Variants in ACR observed in about 807,000 individuals in gnomAD.
ACR encodes acrosin, also known as acrosin light and heavy chain prepropeptide.
ACR carries 17 observed loss-of-function variants against 26.0 expected under a neutral mutation model. The observed-to-expected ratio is 0.65, with a 90% CI of 0.45 to 0.98. The LOEUF (loss-of-function observed/expected upper bound fraction) is 0.98, where lower values mean the gene tolerates loss of function less well. Among genes scored for constraint, ACR ranks in the 50% least tolerant of loss-of-function variants. The probability of loss-of-function intolerance (pLI) is 0.00; values close to 1 mark genes in which losing one functional copy is unlikely to be tolerated. For synonymous variants in ACR, 199 were observed against 207.7 expected (o/e 0.96, Z 0.36); for missense variants, 435 against 519.3 (o/e 0.84, Z 1.58).
intron 3 of ACR, chr22:50,740,836 G>A (rs2083422022): frequency 3.1e-6 from 2 of 643,634 alleles, no homozygotes; most frequent in African/African-American, 3.6e-5. Flanking sequence ...GGCCCCAGGT[G>A]TGACCTAGAA....
At chr22:50,738,352 A>G (rs1346138210) in intron 1 of ACR, 40 bp downstream of exon 1, 5 of 1,595,600 alleles carry the variant, frequency 3.1e-6, no homozygotes, top group Non-Finnish European at 4.3e-6. Context: ...GGATCTTCTG[A>G]GGAGCAGGTA....
In ACR at chr22:50,745,031, C is replaced by T; in HGVS notation, c.1090C>T (p.Pro364Ser). Reference sequence around the variant, plus strand: ...ACCTCCAGCCTCACCTTTACCCCCACCCCCACCCCCACCCCCACCTACACC... The same window carrying T: ...ACCTCCAGCCTCACCTTTACCCCCATCCCCACCCCCACCCCCACCTACACC... ...PPPPASPLPP[P>S]PPPPPPTPSS... The change falls in exon 5 of 5, where the codon CCC (proline) becomes TCC (serine). Residue 364 changes from proline to serine, a missense_variant. Coordinates refer to ENST00000216139, the MANE Select transcript of ACR (RefSeq NM_001097.3). The T allele has an allele frequency of 5.5e-6, 3 of 549,924 alleles. No individual in the cohort carries two copies. Among genetic ancestry groups the T allele is most frequent in the Non-Finnish European group, 5.8e-6 (2 of 345,348 alleles). The allele number at this position is 549,924 out of a possible 1,614,324, so 34.1% of individuals were successfully genotyped here. A position where few individuals can be genotyped will look rare whatever the true frequency, so the allele number is the denominator to read the frequency against.
intron 1 of ACR, among the ~76,000 whole-genome samples, chr22:50,738,764 G>T (rs1034968695): frequency 3.9e-5 from 6 of 151,940 alleles, no homozygotes; most frequent in African/African-American, 1.4e-4. Flanking sequence ...AGTTCCCAGA[G>T]CCTCCACCTC....
chr22:50,744,769 G>A lies in ACR; in HGVS notation c.828G>A (p.Thr276=), dbSNP rs1029429705. The A allele has an allele frequency of 6.2e-6, 10 of 1,611,490 alleles. No homozygotes were observed. The African/African-American group carries it at 6.7e-5, about 11-fold the overall frequency. The change falls in exon 5 of 5, where the codon ACG becomes ACA. Residue 276 remains threonine, a synonymous_variant. Coordinates refer to ENST00000216139, the MANE Select transcript of ACR (RefSeq NM_001097.3). ...CARAKRPGIY[T]ATWPYLNWIA... is the part of the protein sequence containing the mutation. ...GTGCCAAGCGCCCCGGAATCTACAC[G>A]GCCACCTGGCCCTATCTGAACTGGA...
At chr22:50,743,237 G>A (rs934157112) in intron 3 of ACR, among the ~76,000 whole-genome samples, 38 of 151,982 alleles carry the variant, frequency 2.5e-4, no homozygotes, top group East Asian at 2.3e-3. Context: ...GGGTTTCACC[G>A]TGTTAGCCAG....
At chr22:50,743,276 C>G (rs959874876) in intron 3 of ACR, among the ~76,000 whole-genome samples, 7 of 152,114 alleles carry the variant, frequency 4.6e-5, no homozygotes, top group Non-Finnish European at 1.0e-4. Flanking sequence ...ACCTCGTGAT[C>G]CGCCCGCCTC....
chr22:50,744,727 G>A lies in ACR; in HGVS notation c.786G>A (p.Trp262Ter), dbSNP rs2083441561. 1 of 1,613,218 alleles carries A rather than the reference G, an allele frequency of 6.2e-7. No homozygotes were observed. Among genetic ancestry groups the A allele is most frequent in the Non-Finnish European group, 8.5e-7 (1 of 1,179,774 alleles). The change falls in exon 5 of 5, where the codon TGG (tryptophan) becomes TGA (stop). Residue 262 changes from tryptophan (W) to a stop codon, truncating the protein, a stop_gained. Coordinates refer to ENST00000216139, the MANE Select transcript of ACR (RefSeq NM_001097.3). LOFTEE classifies it low-confidence loss of function (END_TRUNC). ...SAYVVVGITS[W>*]GVGCARAKRP... ...ATGTGGTCGTGGGAATCACAAGCTG[G>A]GGGGTAGGCTGTGCCCGTGCCAAGC... is the stretch of plus-strand genomic sequence containing the variant.
rs528817812 is a variant in ACR, at chr22:50,741,194, C to T, written c.565+1217C>T. Among the ~76,000 whole-genome samples, 10 of 152,284 alleles carry T rather than the reference C, an allele frequency of 6.6e-5. No individual in the cohort carries two copies. The East Asian group carries it at 1.5e-3, about 23-fold the overall frequency. On this transcript the variant is annotated intron_variant, in intron 3 of 4. Transcript: ENST00000216139. Reference sequence around the variant, plus strand: ...TAATTTGAGGATTCTTCCTTTAACTCTTATTTCCTTCTCTGAGGGCGTGGT... The same window carrying T: ...TAATTTGAGGATTCTTCCTTTAACTTTTATTTCCTTCTCTGAGGGCGTGGT...
chr22:50,738,321 C>T lies in ACR; in HGVS notation c.77+9C>T, dbSNP rs1291878808. Reference sequence around the variant, plus strand: ...GATAACGCCACGTGTGAGTAAGTGTCGGGGCACCTTGGTGGGGGAAGGATC... The same window carrying T: ...GATAACGCCACGTGTGAGTAAGTGTTGGGGCACCTTGGTGGGGGAAGGATC... On this transcript the variant is annotated intron_variant, in intron 1 of 4. Coordinates refer to ENST00000216139, the MANE Select transcript of ACR (RefSeq NM_001097.3). 9.3e-6 allele frequency: 15 copies of T among 1,613,432 alleles called. No individual in the cohort carries two copies. Among genetic ancestry groups the T allele is most frequent in the South Asian group, 2.2e-5 (2 of 90,992 alleles).
rs760865181 is a variant in ACR at position 50,739,258 on chromosome 22, G to C, written c.78-13G>C. 6.4e-7 allele frequency: 1 copy of C among 1,557,770 alleles called. No homozygotes were observed. The highest frequency in any genetic ancestry group is 1.2e-5 in the South Asian group (1 of 84,678). On this transcript the variant is annotated splice_polypyrimidine_tract_variant and intron_variant, in intron 1 of 4. Transcript: ENST00000216139. The surrounding 1 kb of genome is among the most constrained non-coding windows in gnomAD (Gnocchi z 5.5). ...TCATGCCAGGTTTGAACTGTGCTCTGGTCTCTCCCCAGTGGCCCCTGTGGG... is the reference window on the plus strand; with the variant it reads ...TCATGCCAGGTTTGAACTGTGCTCTCGTCTCTCCCCAGTGGCCCCTGTGGG...
intron 1 of ACR, among the ~76,000 whole-genome samples, 178 bp downstream of exon 1, chr22:50,738,490 T>C (rs1376709784): frequency 6.9e-6 from 1 of 144,774 alleles, no homozygotes; most frequent in Non-Finnish European, 1.5e-5. Context: ...CCTCCAGAGA[T>C]GGACCCCTCA....
Position 50,739,686 on chromosome 22 carries a change from G to A in ACR, c.282-8G>A, listed in dbSNP as rs1321909247. On this transcript the variant is annotated splice_region_variant and splice_polypyrimidine_tract_variant and intron_variant, in intron 2 of 4. Transcript: ENST00000216139. The surrounding 1 kb of genome is among the most constrained non-coding windows in gnomAD (Gnocchi z 5.5). Reference sequence around the variant, plus strand: ...CGGTTGTGACCTGGCTTACCTTTGTGCCCACAGTAATGTGCATGACTGGAG... The same window carrying A: ...CGGTTGTGACCTGGCTTACCTTTGTACCCACAGTAATGTGCATGACTGGAG... The A allele has an allele frequency of 6.5e-7, 1 of 1,536,916 alleles. No homozygotes were observed.
Position 50,744,057 on chromosome 22 carries a change from A to G in ACR, c.566-4A>G, listed in dbSNP as rs6009961. On this transcript the variant is annotated splice_region_variant and splice_polypyrimidine_tract_variant and intron_variant, in intron 3 of 4. Transcript: ENST00000216139. The stretch of plus-strand genomic sequence containing the variant: ...TCACTGACCACCGAGTGGTCTGACT[A>G]TAGCCCCCAGGCCATCATCTATACT... The G allele has an allele frequency of 0.71, 1,049,405 of 1,482,114 alleles. 387,615 individuals are homozygous for G. Among genetic ancestry groups the G allele is most frequent in the African/African-American group, 0.88 (64,173 of 72,590 alleles). The allele number at this position is 1,482,114 out of a possible 1,614,324, so 91.8% of individuals were successfully genotyped here.
At chr22:50,740,093 G>A (rs762191368) in intron 3 of ACR, 116 bp downstream of exon 3, 17 of 1,309,398 alleles carry the variant, frequency 1.3e-5, no homozygotes, top group Non-Finnish European at 1.7e-5. Flanking sequence ...TCCTCACGGC[G>A]CTACACGTAG....
chr22:50,741,782 G>T (rs1306958185), intron 3 of ACR, among the ~76,000 whole-genome samples: 8 of 151,078 alleles, frequency 5.3e-5, no homozygotes, highest in Admixed American at 4.6e-4. Flanking sequence ...CTTGGGTATT[G>T]CTTCTTTCCC....
chr22:50,739,233 T>C lies in ACR; in HGVS notation c.78-38T>C. The stretch of plus-strand genomic sequence containing the variant: ...GTGGAGTTACAAGGACAGGCTGTGC[T>C]CATGCCAGGTTTGAACTGTGCTCTG... On this transcript the variant is annotated intron_variant, in intron 1 of 4. Coordinates refer to ENST00000216139, the MANE Select transcript of ACR (RefSeq NM_001097.3). The surrounding 1 kb of genome is among the most constrained non-coding windows in gnomAD (Gnocchi z 5.5). 6.5e-7 allele frequency: 1 copy of C among 1,527,360 alleles called. No homozygotes were observed. The highest frequency in any genetic ancestry group is 8.9e-7 in the Non-Finnish European group (1 of 1,126,862). 94.6% of individuals were successfully genotyped at this position (1,527,360 alleles called of 1,614,324 possible).
rs1220294993 is a variant in ACR, at chr22:50,739,392, A to G, written c.199A>G (p.Ser67Gly). The G allele has an allele frequency of 1.9e-6, 3 of 1,614,140 alleles. No homozygotes were observed. The change falls in exon 2 of 5, where the codon AGC becomes GGC. Residue 67 changes from serine (S) to glycine (G), a missense_variant. Around this residue, in one of 3 missense-constraint regions of ACR, gnomAD observed 314 missense variants for 372.0 expected, o/e 0.84. Transcript: ENST00000216139. This position sits in a 1 kb window ranked among gnomAD's most constrained non-coding sequence, Gnocchi z 5.5. ...CAGCCTCCAGATCTTCACGTACAAC[A>G]GCCACAGGTACCACACATGTGGAGG... Reference protein sequence around the residue: ...MVSLQIFTYNSHRYHTCGGSL... With the variant: ...MVSLQIFTYNGHRYHTCGGSL...
At chr22:50,742,561 AAAT>A (rs1281659649) in intron 3 of ACR, among the ~76,000 whole-genome samples, 1 of 135,918 alleles carries the variant, frequency 7.4e-6, no homozygotes, top group Non-Finnish European at 1.6e-5. Context: ...AAAAAAAAAA[AAAT>A]CGTCTTAATG....
intron 4 of ACR, 135 bp from the exon 5 acceptor site, chr22:50,744,518 T>G (rs1347994134): frequency 8.9e-5 from 121 of 1,364,360 alleles, no homozygotes; most frequent in Non-Finnish European, 9.4e-5. Context: ...CCCTCAAACT[T>G]TACTACAACC....
Sources: allele counts gnomAD v4.1 joint callset (sites outside exome capture counted in the v4.1 genomes callset), GRCh38; gene constraint gnomAD v4.1.1; regional missense constraint gnomAD v4.1.1; non-coding constraint Gnocchi (gnomAD v3.1); transcripts MANE v1.5; gene names NCBI Gene and HGNC (gene_info 2026-07-23, HGNC 2026-07-21).